EP400: variants seen among roughly 807,000 people sequenced by gnomAD.
EP400 encodes E1A-binding protein p400.
EP400 carries 105 observed loss-of-function variants against 354.1 expected under a neutral mutation model. The observed-to-expected ratio is 0.30, with a 90% CI of 0.25 to 0.35. The LOEUF is 0.35. EP400 is among the 10% of genes least tolerant of loss of function. EP400 has a pLI of 1.00. For synonymous variants in EP400, 1,646 were observed against 1,716.9 expected (o/e 0.96, Z 1.02); for missense variants, 3,280 against 4,121.0 (o/e 0.80, Z 5.59).
At chr12:132,058,265 GTT>G (rs768027810) in intron 45 of EP400, among the ~76,000 whole-genome samples, 1 of 151,418 alleles carries the variant, frequency 6.6e-6, no homozygotes, top group Non-Finnish European at 1.5e-5. Context: ...CCTTTAAAAA[GTT>G]TTTATTGAGT....
At chr12:131,952,088 T>G (rs1891523738) in intron 1 of EP400, among the ~76,000 whole-genome samples, 1 of 149,840 alleles carries the variant, frequency 6.7e-6, no homozygotes, top group Admixed American at 6.7e-5. Context: ...GCACCTGGCC[T>G]TTTTTTTTGT....
At chr12:132,015,702 C>T (rs1364325871) in intron 19 of EP400, among the ~76,000 whole-genome samples, 4 of 152,180 alleles carry the variant, frequency 2.6e-5, no homozygotes, top group Admixed American at 1.3e-4. Context: ...GGCAGGAGAG[C>T]GCTTGGACTC....
In EP400 at chr12:131,960,707, G is replaced by GCCCCCCCCC; in HGVS notation, c.91_92insCCCCCCCCC (p.Ala30_His31insProProPro). ...TGGCAGCGAGGGTGAGGAGCAGCCG[G>GCCCCCCCCC]CCCACCCCAACCCACCCCCGTCCCC... On this transcript the variant is annotated inframe_insertion, in exon 2 of 53. Coordinates refer to ENST00000389561, the MANE Select transcript of EP400 (RefSeq NM_015409.5). 1 of 1,545,590 alleles carries GCCCCCCCCC rather than the reference G, an allele frequency of 6.5e-7. No individual in the cohort carries two copies.
In EP400 at chr12:131,994,598, G is replaced by A. The variant is rs1893144275; in HGVS notation, c.2738-269G>A. 6.6e-6 allele frequency among the ~76,000 whole-genome samples: 1 copy of A among 152,144 alleles called. No homozygotes were observed. The highest frequency in any genetic ancestry group is 2.4e-5 in the African/African-American group (1 of 41,416). On this transcript the variant is annotated intron_variant, in intron 11 of 52. Transcript: ENST00000389561. The surrounding 1 kb of genome is among the most constrained non-coding windows in gnomAD (Gnocchi z 4.6). ...CACAGTGGGGCTCTGCAGGAAGGTA[G>A]GAGGGTTGACAGCATTCCGTATGTT...
At position 132,025,950 on chromosome 12, in the gene EP400, G is replaced by A; in HGVS notation, c.5014+146G>A. On this transcript the variant is annotated intron_variant, in intron 25 of 52. Coordinates refer to ENST00000389561, the MANE Select transcript of EP400 (RefSeq NM_015409.5). This position sits in a 1 kb window ranked among gnomAD's most constrained non-coding sequence, Gnocchi z 4.1. ...GGCCATCTCTGATTTCTATAGATGT[G>A]TCCTAGTGTCAGCCTGATTTATTTT... The A allele has an allele frequency of 2.0e-6, 2 of 978,758 alleles. No homozygotes were observed. Among genetic ancestry groups the A allele is most frequent in the Non-Finnish European group, 2.8e-6 (2 of 726,112 alleles). The allele number at this position is 978,758 out of a possible 1,614,324, so 60.6% of individuals were successfully genotyped here. A position where few individuals can be genotyped will look rare whatever the true frequency, so the allele number is the denominator to read the frequency against.
At chr12:131,984,487 C>T (rs1892787832) in intron 5 of EP400, among the ~76,000 whole-genome samples, 1 of 152,082 alleles carries the variant, frequency 6.6e-6, no homozygotes, top group Admixed American at 6.5e-5. Flanking sequence ...CCTTGTACAC[C>T]CACTTTGAGA....
Position 131,994,286 on chromosome 12 carries a change from GTGCAGGCCCCC to G in EP400, c.2738-569_2738-559del, listed in dbSNP as rs532880424. On this transcript the variant is annotated intron_variant, in intron 11 of 52. Coordinates refer to ENST00000389561, the MANE Select transcript of EP400 (RefSeq NM_015409.5). The surrounding 1 kb of genome is among the most constrained non-coding windows in gnomAD (Gnocchi z 4.6). The stretch of plus-strand genomic sequence containing the variant: ...TGAGAGCCAGCTGAGAGGAGAGATG[GTGCAGGCCCCC>G]TGCAGGCCCCCAGGTGGGGAGAGGG... Among the ~76,000 whole-genome samples, 102 of 152,276 alleles carry G rather than the reference GTGCAGGCCCCC, an allele frequency of 6.7e-4. No individual in the cohort carries two copies. The highest frequency in any genetic ancestry group is 3.1e-3 in the East Asian group (16 of 5,186).
chr12:132,047,324 T>C (rs1011807089), intron 39 of EP400, among the ~76,000 whole-genome samples: 43 of 152,318 alleles, frequency 2.8e-4, no homozygotes, highest in African/African-American at 1.0e-3. Context: ...TACCTTATTA[T>C]GGAAAAAAAA....
chr12:132,048,958 G>A (rs578238237), intron 39 of EP400, among the ~76,000 whole-genome samples: 1 of 152,322 alleles, frequency 6.6e-6, no homozygotes, highest in Admixed American at 6.5e-5. Flanking sequence ...AGAAACCTGA[G>A]ACCTAGAATT....
At chr12:132,031,907 C>G in intron 29 of EP400, 46 bp from the exon 30 acceptor site, 1 of 1,548,888 alleles carries the variant, frequency 6.5e-7, no homozygotes, top group Non-Finnish European at 8.8e-7. Flanking sequence ...AAAGGTTTCC[C>G]AACATTTTCC....
chr12:132,074,882 T>G (rs901013225), intron 51 of EP400, among the ~76,000 whole-genome samples: 9 of 152,228 alleles, frequency 5.9e-5, no homozygotes, highest in African/African-American at 2.2e-4. Flanking sequence ...GGTGTTTTTC[T>G]GGATCTGGTG....
At chr12:131,976,832 G>A (rs1055896999) in intron 2 of EP400, among the ~76,000 whole-genome samples, 5 of 152,214 alleles carry the variant, frequency 3.3e-5, no homozygotes, top group Admixed American at 6.5e-5. Flanking sequence ...TTCTGTTTTT[G>A]TGTACATGGT....
At chr12:132,049,674 C>T (rs886818654) in intron 39 of EP400, among the ~76,000 whole-genome samples, 9 of 152,172 alleles carry the variant, frequency 5.9e-5, no homozygotes, top group Non-Finnish European at 1.3e-4. Context: ...CTTGACTTGT[C>T]GCTACCTCTG....
chr12:132,004,519 C>G (rs1430246491), intron 12 of EP400, among the ~76,000 whole-genome samples: 1 of 151,876 alleles, frequency 6.6e-6, no homozygotes, highest in Non-Finnish European at 1.5e-5. Context: ...TATATATCAT[C>G]TTCATCAGTT....
intron 12 of EP400, among the ~76,000 whole-genome samples, chr12:131,998,272 T>A (rs1473843433): frequency 1.3e-5 from 2 of 152,222 alleles, no homozygotes; most frequent in Non-Finnish European, 2.9e-5. Context: ...GGGGACTATT[T>A]CAGAAACATG....
At chr12:131,965,702 ATGGAATCCT>A (rs1892052027) in intron 2 of EP400, among the ~76,000 whole-genome samples, 2 of 152,308 alleles carry the variant, frequency 1.3e-5, no homozygotes, top group Admixed American at 1.3e-4. Flanking sequence ...ATGAATATCT[ATGGAATCCT>A]AGTCTGGGTT....
intron 3 of EP400, 90 bp from the exon 4 acceptor site, chr12:131,981,399 C>T (rs1892676676): frequency 9.4e-7 from 1 of 1,059,042 alleles, no homozygotes; most frequent in Admixed American, 2.5e-5. Context: ...CCTCCCTTTT[C>T]CAAGATGATA....
At position 131,979,769 on chromosome 12, in the gene EP400, G is replaced by A. The variant is rs368320022; in HGVS notation, c.1411G>A (p.Ala471Thr). ...GACGGACCTGTTTAAGAGGCAGCAGGCGATGCCCTCCACAGGTATGGCAGG... is the reference window on the plus strand; with the variant it reads ...GACGGACCTGTTTAAGAGGCAGCAGACGATGCCCTCCACAGGTATGGCAGG... ...VETDLFKRQQAMPSTGMAEQS... is the reference protein window; with the variant it reads ...VETDLFKRQQTMPSTGMAEQS... The change falls in exon 3 of 53, where the codon GCG becomes ACG. Residue 471 changes from alanine to threonine, a missense_variant. Around this residue, in one of 20 missense-constraint regions of EP400, gnomAD observed 800 missense variants for 840.0 expected, o/e 0.95. Coordinates refer to ENST00000389561, the MANE Select transcript of EP400 (RefSeq NM_015409.5). 2.1e-5 allele frequency: 33 copies of A among 1,607,692 alleles called. No homozygotes were observed. Among genetic ancestry groups the A allele is most frequent in the Admixed American group, 3.4e-5 (2 of 59,172 alleles).
intron 12 of EP400, among the ~76,000 whole-genome samples, chr12:132,000,277 T>G: frequency 6.6e-6 from 1 of 152,178 alleles, no homozygotes; most frequent in Non-Finnish European, 1.5e-5. Context: ...CAATACAGGG[T>G]TTTCAATATA....
Sources: gnomAD v4.1 joint callset for allele counts (sites outside exome capture counted in the v4.1 genomes callset) on GRCh38, gnomAD v4.1.1 for gene constraint, gnomAD v4.1.1 regional missense constraint, Gnocchi (gnomAD v3.1) non-coding constraint, MANE v1.5 for transcripts, NCBI Gene and HGNC (gene_info 2026-07-23, HGNC 2026-07-21) for gene names.